Variants in MYO5B observed in about 807,000 individuals in gnomAD.
The protein encoded by MYO5B is unconventional myosin-Vb.
MYO5B carries 143 observed loss-of-function variants against 229.3 expected under a neutral mutation model. The ratio of observed to expected loss-of-function variants is 0.62; its 90% CI spans 0.54 to 0.72. The LOEUF (loss-of-function observed/expected upper bound fraction) is 0.72, where lower values mean the gene tolerates loss of function less well. Ranked by LOEUF, MYO5B falls within the 30% of genes least tolerant of loss-of-function variation. MYO5B has a pLI of 0.00. For missense variants in MYO5B, 2,321 were observed against 2,331.0 expected (o/e 1.00, Z 0.09); for synonymous variants, 918 against 885.2 (o/e 1.04, Z -0.66).
chr18:50,045,845 G>A (rs1028370902), intron 2 of MYO5B, among the ~76,000 whole-genome samples: 2 of 152,148 alleles, frequency 1.3e-5, no homozygotes, highest in African/African-American at 4.8e-5. Context: ...TAAGCCCTGT[G>A]GGCCTATGAT....
chr18:50,025,573 G>A (rs556559913), intron 4 of MYO5B, among the ~76,000 whole-genome samples: 1 of 152,224 alleles, frequency 6.6e-6, no homozygotes, highest in Admixed American at 6.5e-5. Flanking sequence ...ATATGAACCT[G>A]TTGGTCCTGT....
In MYO5B at chr18:50,016,616, T is replaced by C. The variant is rs548848035; in HGVS notation, c.456-15205A>G. ...TTTCTTGTCCACCTTCTCTAAAATA[T>C]CTTCTCCAAATCTGTCACTTTGCCT... On this transcript the variant is annotated intron_variant, in intron 4 of 39. Coordinates refer to ENST00000285039, the MANE Select transcript of MYO5B (RefSeq NM_001080467.3). 3.3e-5 allele frequency among the ~76,000 whole-genome samples: 5 copies of C among 152,326 alleles called. No homozygotes were observed. The East Asian group carries it at 9.6e-4, about 29-fold the overall frequency.
At chr18:50,120,964 C>T (rs566000874) in intron 1 of MYO5B, among the ~76,000 whole-genome samples, 1 of 152,334 alleles carries the variant, frequency 6.6e-6, no homozygotes, top group East Asian at 1.9e-4. Flanking sequence ...CTATCCACCT[C>T]CAGCCTGCCC....
At chr18:50,154,721 G>T (rs895691321) in intron 1 of MYO5B, among the ~76,000 whole-genome samples, 2 of 152,334 alleles carry the variant, frequency 1.3e-5, no homozygotes, top group East Asian at 3.9e-4. Flanking sequence ...ACTGAGGTGG[G>T]AGGGACTGGA....
intron 21 of MYO5B, among the ~76,000 whole-genome samples, chr18:49,896,480 G>A (rs2024780690): frequency 6.6e-6 from 1 of 152,178 alleles, no homozygotes; most frequent in Admixed American, 6.5e-5. Flanking sequence ...GAGGAGTAGG[G>A]CACAGGGAGG....
At chr18:50,132,804 A>G (rs1005627250) in intron 1 of MYO5B, among the ~76,000 whole-genome samples, 3 of 152,252 alleles carry the variant, frequency 2.0e-5, no homozygotes, top group Admixed American at 2.0e-4. Context: ...CCTTGGCTGA[A>G]GCGTGAAAGG....
Position 49,961,437 on chromosome 18 carries a change from C to T in MYO5B, c.1545+829G>A, listed in dbSNP as rs555028057. ...TCAAAGGCAACAAAACTAGGAGAGCCCTTCTGAAAGGAAACACTTCCTACC... is the reference window on the plus strand; with the variant it reads ...TCAAAGGCAACAAAACTAGGAGAGCTCTTCTGAAAGGAAACACTTCCTACC... On this transcript the variant is annotated intron_variant, in intron 12 of 39. Coordinates refer to ENST00000285039, the MANE Select transcript of MYO5B (RefSeq NM_001080467.3). Among the ~76,000 whole-genome samples the T allele has an allele frequency of 9.8e-5, 15 of 152,338 alleles. No homozygotes were observed. The East Asian group carries it at 2.9e-3, about 29-fold the overall frequency.
At chr18:50,058,736 G>A (rs1430396018) in intron 1 of MYO5B, among the ~76,000 whole-genome samples, 3 of 151,282 alleles carry the variant, frequency 2.0e-5, no homozygotes, top group Non-Finnish European at 2.9e-5. Flanking sequence ...GCTTGAGTCC[G>A]GGAGGCGGAG....
chr18:50,162,352 ACTC>A (rs2032779414), intron 1 of MYO5B, among the ~76,000 whole-genome samples: 1 of 144,508 alleles, frequency 6.9e-6, no homozygotes, highest in Non-Finnish European at 1.5e-5. Flanking sequence ...CATCATTACC[ACTC>A]CTGATAGGAA....
At chr18:49,892,207 A>T (rs1234823931) in intron 22 of MYO5B, among the ~76,000 whole-genome samples, 1 of 152,244 alleles carries the variant, frequency 6.6e-6, no homozygotes, top group Non-Finnish European at 1.5e-5. Context: ...TGCACAGGCT[A>T]AAAGGGAAGG....
intron 2 of MYO5B, among the ~76,000 whole-genome samples, chr18:50,040,678 C>T (rs1487758309): frequency 6.6e-6 from 1 of 152,172 alleles, no homozygotes; most frequent in East Asian, 1.9e-4. Context: ...GTACTTCATA[C>T]ACTCTCCCCC....
rs773025095 is a variant in MYO5B, at chr18:49,954,356, C to A, written c.1625G>T (p.Arg542Leu). 6 of 1,613,940 alleles carry A rather than the reference C, an allele frequency of 3.7e-6. No individual in the cohort carries two copies. The South Asian group carries it at 5.5e-5, about 15-fold the overall frequency. Residue 542 changes from arginine to leucine, a missense_variant, in exon 13 of 40, where the codon CGC (arginine) becomes CTC (leucine). Around this residue, in one of 2 missense-constraint regions of MYO5B, gnomAD observed 2,113 missense variants for 2,044.7 expected, o/e 1.03. Coordinates refer to ENST00000285039, the MANE Select transcript of MYO5B (RefSeq NM_001080467.3). ...HSSSQHFQKP[R>L]MSNTAFIIVH... ...GATGATGAAGGCCGTGTTGGACATG[C>A]GGGGCTTCTGGAAGTGCTGGCTGCT... is the stretch of plus-strand genomic sequence containing the variant.
intron 1 of MYO5B, among the ~76,000 whole-genome samples, chr18:50,176,786 T>C (rs983510928): frequency 6.6e-6 from 1 of 152,238 alleles, no homozygotes; most frequent in African/African-American, 2.4e-5. Flanking sequence ...TCAACAGCAC[T>C]ATCCTTTTCT....
intron 18 of MYO5B, among the ~76,000 whole-genome samples, chr18:49,907,661 T>C (rs2024914402): frequency 6.6e-6 from 1 of 152,218 alleles, no homozygotes; most frequent in South Asian, 2.1e-4. Context: ...CCCTGAAAAA[T>C]GCTGAATCAT....
intron 2 of MYO5B, among the ~76,000 whole-genome samples, chr18:50,051,441 C>T (rs1209543024): frequency 6.6e-6 from 1 of 152,116 alleles, no homozygotes; most frequent in African/African-American, 2.4e-5. Flanking sequence ...AATTAAAAAC[C>T]ATGGAAACAA....
At chr18:50,112,931 C>T (rs183537152) in intron 1 of MYO5B, among the ~76,000 whole-genome samples, 16 of 152,338 alleles carry the variant, frequency 1.1e-4, no homozygotes, top group Admixed American at 9.8e-4. Context: ...CATTAAATCA[C>T]AAACACACAA....
chr18:50,187,024 C>G (rs2033158684), intron 1 of MYO5B, among the ~76,000 whole-genome samples: 1 of 152,180 alleles, frequency 6.6e-6, no homozygotes, highest in South Asian at 2.1e-4. Context: ...CCTCTAAGCT[C>G]TTTCGTAAAT....
At chr18:50,069,726 A>T (rs958185950) in intron 1 of MYO5B, among the ~76,000 whole-genome samples, 3 of 152,180 alleles carry the variant, frequency 2.0e-5, no homozygotes, top group Non-Finnish European at 4.4e-5. Flanking sequence ...GAGATCCAGG[A>T]AGTTAAGGAA....
chr18:49,858,871 C>T (rs998458021), intron 29 of MYO5B, among the ~76,000 whole-genome samples: 1 of 152,196 alleles, frequency 6.6e-6, no homozygotes, highest in Admixed American at 6.5e-5. Flanking sequence ...TGGAGGAGCT[C>T]CTCCAGCTCC....
Sources: gnomAD v4.1 joint callset for allele counts (sites outside exome capture counted in the v4.1 genomes callset) on GRCh38, gnomAD v4.1.1 for gene constraint, gnomAD v4.1.1 regional missense constraint, MANE v1.5 for transcripts, NCBI Gene and HGNC (gene_info 2026-07-23, HGNC 2026-07-21) for gene names.